The following ADARB2 variants were observed in gnomAD, a reference collection of about 807,000 sequenced individuals.
ADARB2 encodes inactive double-stranded RNA-specific editase B2.
Under a neutral mutation model 62.2 loss-of-function variants are expected in ADARB2, and 25 were observed. That is an observed-to-expected ratio of 0.40 (90% CI 0.29 to 0.56). The LOEUF (loss-of-function observed/expected upper bound fraction) is 0.56, where lower values mean the gene tolerates loss of function less well. Among genes scored for constraint, ADARB2 ranks in the 20% least tolerant of loss-of-function variants. The probability of loss-of-function intolerance (pLI) is 0.43; values close to 1 mark genes in which losing one functional copy is unlikely to be tolerated. For missense variants in ADARB2, 1,071 were observed against 1,077.4 expected, an observed-to-expected ratio of 0.99 and a Z score of 0.08; for synonymous variants, 572 against 500.8, an observed-to-expected ratio of 1.14 and a Z score of -1.90.
intron 1 of ADARB2, among the ~76,000 whole-genome samples, chr10:1,733,333 A>T (rs1191690118): frequency 6.6e-6 from 1 of 152,228 alleles, no homozygotes; most frequent in Non-Finnish European, 1.5e-5. Context: ...CATTTTACAC[A>T]TTGTACACAG....
intron 3 of ADARB2, among the ~76,000 whole-genome samples, chr10:1,328,996 TAAAAAAAAAAAAA>T (rs376461606): frequency 1.3e-5 from 1 of 75,678 alleles, no homozygotes; most frequent in Non-Finnish European, 2.4e-5. Flanking sequence ...GACCCTGTCT[TAAAAAAAAAAAAA>T]AAAAAAAAAA....
At chr10:1,338,544 G>C (rs974229485) in intron 3 of ADARB2, among the ~76,000 whole-genome samples, 2 of 152,178 alleles carry the variant, frequency 1.3e-5, no homozygotes, top group East Asian at 3.8e-4. Context: ...TTAGAATGAC[G>C]CAGGGTTTTA....
chr10:1,545,864 G>T (rs1832511551), intron 1 of ADARB2, among the ~76,000 whole-genome samples: 1 of 152,214 alleles, frequency 6.6e-6, no homozygotes, highest in Non-Finnish European at 1.5e-5. Context: ...GATGAGGGAG[G>T]CTGCAGGGAG....
chr10:1,211,517 A>G (rs767616680), intron 7 of ADARB2, among the ~76,000 whole-genome samples: 5 of 152,204 alleles, frequency 3.3e-5, no homozygotes, highest in Admixed American at 3.3e-4. Context: ...GGTGGGAAGC[A>G]TGGATTCTAA....
rs1029041659 is a variant in ADARB2, at chr10:1,650,607, G to A, written c.100+86444C>T. Among the ~76,000 whole-genome samples, 8 of 152,196 alleles carry A rather than the reference G, an allele frequency of 5.3e-5. No individual in the cohort carries two copies. In the South Asian group the frequency reaches 1.0e-3, roughly 20 times the overall value. ...CATCAGAAGTCCTTGCTATCGGTCC[G>A]TGAAAGGTCTAAGTTAATCTGTCCC... On this transcript the variant is annotated intron_variant, in intron 1 of 9. Transcript: ENST00000381312.
At chr10:1,622,055 G>A (rs569110516) in intron 1 of ADARB2, among the ~76,000 whole-genome samples, 1 of 152,262 alleles carries the variant, frequency 6.6e-6, no homozygotes, top group Non-Finnish European at 1.5e-5. Context: ...TTACATCCAT[G>A]GGCAACTAAT....
At position 1,184,902 on chromosome 10, in the gene ADARB2, T is replaced by G. The variant is rs746757303; in HGVS notation, c.2002A>C (p.Lys668Gln). 27 of 1,613,700 alleles carry G rather than the reference T, an allele frequency of 1.7e-5. 1 individual carries two copies. The highest frequency in any genetic ancestry group is 2.3e-5 in the Non-Finnish European group (27 of 1,180,032). ...GCCCACCGTGCAGACAGCACGTGCT[T>G]GCAGAGCCGGGATGGGCCCCCACAG... is the stretch of plus-strand genomic sequence containing the variant. ...RSCGGPSRLCKHVLSARWARL... is the reference protein window; with the variant it reads ...RSCGGPSRLCQHVLSARWARL... The change falls in exon 9 of 10, where the codon AAG becomes CAG. Residue 668 changes from lysine to glutamine, a missense_variant. Coordinates refer to ENST00000381312, the MANE Select transcript of ADARB2 (RefSeq NM_018702.4).
chr10:1,450,835 C>T (rs1831027453), intron 1 of ADARB2, among the ~76,000 whole-genome samples: 2 of 152,182 alleles, frequency 1.3e-5, no homozygotes, highest in Admixed American at 1.3e-4. Context: ...GTGTTATCTG[C>T]CACCTGACCC....
chr10:1,437,975 T>C (rs1476754493), intron 1 of ADARB2, among the ~76,000 whole-genome samples: 1 of 152,248 alleles, frequency 6.6e-6, no homozygotes. Context: ...CCAGCTGGCA[T>C]GACCCCGTTT....
At chr10:1,331,002 A>T (rs547181476) in intron 3 of ADARB2, among the ~76,000 whole-genome samples, 1 of 152,362 alleles carries the variant, frequency 6.6e-6, no homozygotes, top group South Asian at 2.1e-4. Context: ...AGACATAGAA[A>T]TGGCAAATGG....
intron 1 of ADARB2, among the ~76,000 whole-genome samples, chr10:1,417,468 C>G (rs1015783479): frequency 6.6e-6 from 1 of 152,120 alleles, no homozygotes; most frequent in Non-Finnish European, 1.5e-5. Flanking sequence ...CTTACTGACT[C>G]AAAAGAAGGA....
chr10:1,717,083 TGTTATTCTGATCAC>T (rs1239474546), intron 1 of ADARB2, among the ~76,000 whole-genome samples: 86 of 151,656 alleles, frequency 5.7e-4, no homozygotes, highest in Non-Finnish European at 1.1e-3. Context: ...TCTGATCACA[TGTTATTCTGATCAC>T]GTGTTTCACA....
At chr10:1,429,358 G>A (rs948109551) in intron 1 of ADARB2, among the ~76,000 whole-genome samples, 11 of 152,156 alleles carry the variant, frequency 7.2e-5, no homozygotes, top group East Asian at 3.8e-4. Context: ...CTTGCCTTCC[G>A]TAGGATAAAA....
chr10:1,442,111 A>C (rs1399595378), intron 1 of ADARB2, among the ~76,000 whole-genome samples: 3 of 152,248 alleles, frequency 2.0e-5, no homozygotes, highest in Non-Finnish European at 4.4e-5. Context: ...TACGCTAATA[A>C]AATTTAAACA....
intron 3 of ADARB2, 49 bp from the exon 4 acceptor site, chr10:1,271,118 G>A: frequency 6.8e-6 from 10 of 1,473,744 alleles, no homozygotes; most frequent in Non-Finnish European, 9.4e-6. Context: ...CAGGTGCCGT[G>A]GAGGATGATG....
At chr10:1,348,029 G>A (rs1832096896) in intron 3 of ADARB2, among the ~76,000 whole-genome samples, 2 of 151,878 alleles carry the variant, frequency 1.3e-5, no homozygotes, top group African/African-American at 2.4e-5. Context: ...CAGGGACCGA[G>A]AGAGACAGAG....
intron 1 of ADARB2, among the ~76,000 whole-genome samples, chr10:1,511,378 C>G (rs1831934475): frequency 6.6e-6 from 1 of 152,128 alleles, no homozygotes. Context: ...AAGGGGGACT[C>G]TCTTTCTTCA....
At chr10:1,281,677 G>C (rs533591928) in intron 3 of ADARB2, among the ~76,000 whole-genome samples, 3 of 152,220 alleles carry the variant, frequency 2.0e-5, no homozygotes, top group Admixed American at 6.5e-5. Flanking sequence ...CTCAGGGACC[G>C]CAGGGCTGCA....
chr10:1,625,737 C>T (rs1263101446), intron 1 of ADARB2, among the ~76,000 whole-genome samples: 1 of 152,146 alleles, frequency 6.6e-6, no homozygotes, highest in Non-Finnish European at 1.5e-5. Flanking sequence ...CCCGTGGGAC[C>T]CAGCCCCAGG....
Sources: gnomAD v4.1 joint callset for allele counts (sites outside exome capture counted in the v4.1 genomes callset) on GRCh38, gnomAD v4.1.1 for gene constraint, MANE v1.5 for transcripts, NCBI Gene and HGNC (gene_info 2026-07-23, HGNC 2026-07-21) for gene names.